Variants in UNC80 observed in about 807,000 individuals in gnomAD.
The protein encoded by UNC80 is unc-80 subunit of NALCN channel complex.
UNC80 carries 164 observed loss-of-function variants against 384.6 expected under a neutral mutation model. That is an observed-to-expected ratio of 0.43 (90% CI 0.38 to 0.49). The LOEUF is 0.49. Among genes scored for constraint, UNC80 ranks in the 20% least tolerant of loss-of-function variants. The pLI is 0.00. For synonymous variants in UNC80, 1,486 were observed against 1,527.8 expected, an observed-to-expected ratio of 0.97 and a Z score of 0.64; for missense variants, 3,330 against 4,143.0, an observed-to-expected ratio of 0.80 and a Z score of 5.39.
intron 4 of UNC80, among the ~76,000 whole-genome samples, chr2:209,784,004 A>G (rs767180269): frequency 5.3e-5 from 8 of 152,084 alleles, no homozygotes; most frequent in Non-Finnish European, 1.2e-4. Flanking sequence ...GATATCTCAA[A>G]CTTAACATGT....
At chr2:209,885,428 TG>T (rs1249531359) in intron 25 of UNC80, among the ~76,000 whole-genome samples, 2 of 152,192 alleles carry the variant, frequency 1.3e-5, no homozygotes, top group African/African-American at 4.8e-5. Context: ...ACGTAGGATT[TG>T]GACAAGCAGA....
intron 20 of UNC80, among the ~76,000 whole-genome samples, chr2:209,841,589 A>G (rs2081756268): frequency 6.6e-6 from 1 of 152,118 alleles, no homozygotes; most frequent in African/African-American, 2.4e-5. Context: ...TGATCTCGTG[A>G]TCCACCTGCC....
chr2:209,890,744 T>C lies in UNC80; in HGVS notation c.4276+2484T>C, dbSNP rs1300055053. ...ATGTTGAAAACTTTTAATAAGACAATGCAAGTGAAGTGTAAACTTAATACC... is the reference window on the plus strand; with the variant it reads ...ATGTTGAAAACTTTTAATAAGACAACGCAAGTGAAGTGTAAACTTAATACC... On this transcript the variant is annotated intron_variant, in intron 26 of 64. Coordinates refer to ENST00000673920, the MANE Select transcript of UNC80 (RefSeq NM_001371986.1). Among the ~76,000 whole-genome samples, 6 of 152,316 alleles carry C rather than the reference T, an allele frequency of 3.9e-5. No individual in the cohort carries two copies. In the Middle Eastern group the frequency reaches 0.01, roughly 259 times the overall value.
intron 62 of UNC80, 102 bp from the exon 63 acceptor site, chr2:209,993,213 A>T: frequency 2.3e-6 from 2 of 854,688 alleles, no homozygotes; most frequent in Non-Finnish European, 1.8e-6. Context: ...TATAAATGTA[A>T]GGAACAACCA....
chr2:209,957,603 T>C, intron 48 of UNC80, 41 bp from the exon 49 acceptor site: 2 of 1,452,768 alleles, frequency 1.4e-6, no homozygotes, highest in Non-Finnish European at 1.9e-6. Flanking sequence ...ATTTCTGTTG[T>C]TGTTGTTGTT....
At chr2:209,804,463 G>A (rs2078759638) in intron 7 of UNC80, among the ~76,000 whole-genome samples, 1 of 151,978 alleles carries the variant, frequency 6.6e-6, no homozygotes, top group Non-Finnish European at 1.5e-5. Context: ...TAAAGTTTTG[G>A]GAGTCTAATA....
In UNC80 at chr2:209,973,192, T is replaced by C; in HGVS notation, c.8509T>C (p.Cys2837Arg). ...NFMLESSPAH[C>R]STPGDAGKDL... ...CATGTTAGAGAGCTCCCCAGCCCACTGCTCCACCCCTGGGGATGCGGGGAA... is the reference window on the plus strand; with the variant it reads ...CATGTTAGAGAGCTCCCCAGCCCACCGCTCCACCCCTGGGGATGCGGGGAA... The change falls in exon 56 of 65, where the codon TGC (cysteine) becomes CGC (arginine). Residue 2837 changes from cysteine to arginine, a missense_variant. Around this residue, in one of 8 missense-constraint regions of UNC80, gnomAD observed 1,049 missense variants for 1,488.6 expected, o/e 0.70. Transcript: ENST00000673920. 6.4e-7 allele frequency: 1 copy of C among 1,551,626 alleles called. No individual in the cohort carries two copies. Among genetic ancestry groups the C allele is most frequent in the East Asian group, 2.4e-5 (1 of 40,902 alleles).
At chr2:209,775,824 A>G (rs1223642405) in intron 2 of UNC80, 65 bp from the exon 3 acceptor site, 3 of 1,531,656 alleles carry the variant, frequency 2.0e-6, no homozygotes, top group Non-Finnish European at 2.7e-6. Flanking sequence ...CAGAATCTTC[A>G]ATTTCTTAGT....
At chr2:209,787,274 T>A (rs73076704) in intron 5 of UNC80, among the ~76,000 whole-genome samples, 22,259 of 151,730 alleles carry the variant, frequency 0.15, 2,458 homozygotes, top group African/African-American at 0.3. Flanking sequence ...ATTGCCATCT[T>A]AGTTTCCCAC....
intron 60 of UNC80, among the ~76,000 whole-genome samples, chr2:209,983,745 T>C (rs2093215012): frequency 6.6e-6 from 1 of 152,228 alleles, no homozygotes; most frequent in South Asian, 2.1e-4. Context: ...CCTTTTTACA[T>C]ATTCATTAAG....
At chr2:209,840,732 G>A (rs2081674458) in intron 20 of UNC80, 84 bp downstream of exon 20, 2 of 1,133,066 alleles carry the variant, frequency 1.8e-6, no homozygotes, top group Non-Finnish European at 2.6e-6. Flanking sequence ...AACACCTGCA[G>A]GGGCCAAATA....
chr2:209,981,060 AC>A (rs1414520428), intron 59 of UNC80, among the ~76,000 whole-genome samples: 2 of 152,208 alleles, frequency 1.3e-5, no homozygotes, highest in African/African-American at 4.8e-5. Context: ...TTTTATATTC[AC>A]CTTTTGATTT....
At chr2:209,919,367 G>A (rs2089845254) in intron 33 of UNC80, among the ~76,000 whole-genome samples, 2 of 152,026 alleles carry the variant, frequency 1.3e-5, no homozygotes, top group Non-Finnish European at 2.9e-5. Context: ...TTGTTTCCTT[G>A]CATAAATTCC....
rs959056070 is a variant in UNC80 at position 209,888,145 on chromosome 2, A to G, written c.4161A>G (p.Arg1387=). ...LRLDPELDRH[R]YERKISFAGV... ...TGGATCCCGAGTTGGACCGGCACAG[A>G]TATGAGAGGAAGATCAGCTTTGCTG... The change falls in exon 26 of 65, where the codon AGA becomes AGG. Residue 1387 remains arginine, a synonymous_variant. Coordinates refer to ENST00000673920, the MANE Select transcript of UNC80 (RefSeq NM_001371986.1). 1.9e-6 allele frequency: 3 copies of G among 1,551,716 alleles called. No homozygotes were observed. Among genetic ancestry groups the G allele is most frequent in the South Asian group, 1.2e-5 (1 of 84,062 alleles).
At chr2:209,788,152 C>T (rs556014280) in intron 5 of UNC80, among the ~76,000 whole-genome samples, 10 of 152,278 alleles carry the variant, frequency 6.6e-5, no homozygotes, top group African/African-American at 2.2e-4. Context: ...CGCGGTGGCT[C>T]ACGCCTGTAA....
rs994979037 is a variant in UNC80 at position 209,904,810 on chromosome 2, G to T, written c.4627G>T (p.Val1543Phe). ...TCAGCAGAGTTTCATCTGCACTCAC[G>T]TTGACTACTGCCATCCCCACTGCTA... ...CNQQSFICTH[V>F]DYCHPHCYLH... The change falls in exon 29 of 65, where the codon GTT becomes TTT. Residue 1543 changes from valine to phenylalanine, a missense_variant. This residue lies in a region of UNC80 where 801 missense variants were observed against 950.8 expected (regional missense o/e 0.84). Coordinates refer to ENST00000673920, the MANE Select transcript of UNC80 (RefSeq NM_001371986.1). The T allele has an allele frequency of 9.0e-6, 14 of 1,551,958 alleles. No homozygotes were observed. In the Admixed American group the frequency reaches 2.5e-4, roughly 28 times the overall value.
At chr2:209,851,208 G>T (rs545386277) in intron 22 of UNC80, among the ~76,000 whole-genome samples, 1 of 152,120 alleles carries the variant, frequency 6.6e-6, no homozygotes, top group African/African-American at 2.4e-5. Context: ...TCTCAGGTTG[G>T]CAATGATTTG....
At chr2:209,817,273 T>G (rs1333833027) in intron 10 of UNC80, 148 bp downstream of exon 10, 2 of 674,814 alleles carry the variant, frequency 3.0e-6, no homozygotes, top group Admixed American at 5.8e-5. Flanking sequence ...ACCAAAATAA[T>G]GCTGTGTTTT....
In UNC80 at chr2:209,936,889, T is replaced by C. The variant is rs1332330447; in HGVS notation, c.6319T>C (p.Tyr2107His). 5.2e-6 allele frequency: 8 copies of C among 1,550,968 alleles called. No homozygotes were observed. Among genetic ancestry groups the C allele is most frequent in the African/African-American group, 1.4e-5 (1 of 72,982 alleles). ...TATCCCAGAATCCCAGTCAACACAT[T>C]ATTTTCTTATGGATAAACGATGGAA... ...FNIPESQSTH[Y>H]FLMDKRWNLI... The change falls in exon 41 of 65, where the codon TAT (tyrosine) becomes CAT (histidine). Residue 2107 changes from tyrosine (Y) to histidine (H), a missense_variant. Coordinates refer to ENST00000673920, the MANE Select transcript of UNC80 (RefSeq NM_001371986.1).
Sources: gnomAD v4.1 joint callset for allele counts (sites outside exome capture counted in the v4.1 genomes callset) on GRCh38, gnomAD v4.1.1 for gene constraint, gnomAD v4.1.1 regional missense constraint, MANE v1.5 for transcripts, NCBI Gene and HGNC (gene_info 2026-07-23, HGNC 2026-07-21) for gene names.